The following CNTN4 variants were observed in gnomAD, a reference collection of about 807,000 sequenced individuals.
CNTN4 encodes contactin 4, also known as contactin-4.
CNTN4 carries 77 observed loss-of-function variants against 122.5 expected under a neutral mutation model. The ratio of observed to expected loss-of-function variants is 0.63; its 90% CI spans 0.52 to 0.76. CNTN4 has a LOEUF of 0.76. Ranked by LOEUF, CNTN4 falls within the 30% of genes least tolerant of loss-of-function variation. CNTN4 has a pLI of 0.00. For missense variants in CNTN4, 1,256 were observed against 1,259.1 expected (o/e 1.00, Z 0.04); for synonymous variants, 512 against 447.0 (o/e 1.15, Z -1.83).
chr3:2,167,169 T>C (rs866259370), intron 2 of CNTN4, among the ~76,000 whole-genome samples: 2 of 152,270 alleles, frequency 1.3e-5, no homozygotes, highest in Middle Eastern at 3.4e-3. Context: ...ACCAATTCCA[T>C]GCTGTTTAAA....
intron 6 of CNTN4, among the ~76,000 whole-genome samples, chr3:2,761,388 C>T (rs115701240): frequency 0.011 from 1,629 of 151,756 alleles, 25 homozygotes; most frequent in African/African-American, 0.038. Flanking sequence ...ATTTAAGTTA[C>T]ATAGTATCCT....
At chr3:2,801,008 C>T (rs2150057790) in intron 6 of CNTN4, among the ~76,000 whole-genome samples, 1 of 152,324 alleles carries the variant, frequency 6.6e-6, no homozygotes, top group Admixed American at 6.5e-5. Flanking sequence ...TGATTCTACT[C>T]TGTTTTTCCC....
intron 3 of CNTN4, among the ~76,000 whole-genome samples, chr3:2,510,375 GT>G (rs5846187): frequency 0.49 from 65,386 of 133,816 alleles, 15,158 homozygotes; most frequent in Admixed American, 0.59. Context: ...TTTGTTTGGG[GT>G]TTTTTTTTGT....
At chr3:2,650,666 A>G (rs774487291) in intron 4 of CNTN4, among the ~76,000 whole-genome samples, 1 of 152,194 alleles carries the variant, frequency 6.6e-6, no homozygotes, top group Non-Finnish European at 1.5e-5. Flanking sequence ...AGCCATCTTA[A>G]TCGAGGGAAG....
At chr3:2,965,867 A>G (rs1287143754) in intron 13 of CNTN4, among the ~76,000 whole-genome samples, 2 of 152,154 alleles carry the variant, frequency 1.3e-5, no homozygotes, top group African/African-American at 4.8e-5. Context: ...TCCCTTAAGA[A>G]TCAGTTCATC....
intron 4 of CNTN4, among the ~76,000 whole-genome samples, chr3:2,663,333 C>T (rs913118231): frequency 1.3e-5 from 2 of 152,020 alleles, no homozygotes; most frequent in African/African-American, 4.8e-5. Context: ...TCAAGAAGTA[C>T]TGTAGGTAAA....
At chr3:2,581,868 C>G (rs1366939598) in intron 4 of CNTN4, among the ~76,000 whole-genome samples, 2 of 152,122 alleles carry the variant, frequency 1.3e-5, no homozygotes, top group Non-Finnish European at 2.9e-5. Flanking sequence ...TTTGAAGATA[C>G]CGTGCTAAGT....
At chr3:2,371,973 G>A (rs2150669232) in intron 3 of CNTN4, among the ~76,000 whole-genome samples, 1 of 152,274 alleles carries the variant, frequency 6.6e-6, no homozygotes, top group Non-Finnish European at 1.5e-5. Flanking sequence ...GTTAAAACCA[G>A]CATCTGATTA....
chr3:2,856,473 C>T (rs1033025904), intron 7 of CNTN4, among the ~76,000 whole-genome samples: 10 of 152,196 alleles, frequency 6.6e-5, no homozygotes, highest in African/African-American at 2.4e-4. Context: ...AAGCACCCGG[C>T]ACACAAGGGG....
intron 4 of CNTN4, among the ~76,000 whole-genome samples, chr3:2,674,421 A>G (rs1227083288): frequency 6.6e-6 from 1 of 152,138 alleles, no homozygotes; most frequent in African/African-American, 2.4e-5. Context: ...TGTTGGGAAA[A>G]TTTTAAGTTC....
At chr3:2,986,698 A>C (rs17595976) in intron 13 of CNTN4, among the ~76,000 whole-genome samples, 22,773 of 152,256 alleles carry the variant, frequency 0.15, 1,882 homozygotes, top group Admixed American at 0.18. Flanking sequence ...GACTCTGTTA[A>C]GTATAGCACT....
intron 4 of CNTN4, among the ~76,000 whole-genome samples, chr3:2,690,638 T>A (rs1268702436): frequency 6.6e-6 from 1 of 152,082 alleles, no homozygotes; most frequent in African/African-American, 2.4e-5. Flanking sequence ...CTGCCTTACC[T>A]CCTAGAGCAG....
At chr3:2,981,016 A>G (rs1693912352) in intron 13 of CNTN4, among the ~76,000 whole-genome samples, 1 of 152,170 alleles carries the variant, frequency 6.6e-6, no homozygotes, top group Non-Finnish European at 1.5e-5. Context: ...AGTCCCAGGT[A>G]GTCTTTTCCT....
chr3:2,147,159 G>A (rs1457810179), intron 2 of CNTN4, among the ~76,000 whole-genome samples: 1 of 152,110 alleles, frequency 6.6e-6, no homozygotes, highest in Non-Finnish European at 1.5e-5. Flanking sequence ...GATTATAGGA[G>A]TGAGCCACTG....
chr3:2,957,876 T>C (rs2094816137), intron 13 of CNTN4, among the ~76,000 whole-genome samples: 1 of 152,198 alleles, frequency 6.6e-6, no homozygotes, highest in African/African-American at 2.4e-5. Flanking sequence ...TCTTTGCTAT[T>C]GTAAATAGTG....
At chr3:2,174,599 C>T (rs1285925255) in intron 2 of CNTN4, among the ~76,000 whole-genome samples, 1 of 152,192 alleles carries the variant, frequency 6.6e-6, no homozygotes, top group Non-Finnish European at 1.5e-5. Flanking sequence ...TACCAAAGGC[C>T]TTACCTCCTA....
intron 6 of CNTN4, among the ~76,000 whole-genome samples, chr3:2,746,524 G>C (rs2089778389): frequency 6.6e-6 from 1 of 152,232 alleles, no homozygotes; most frequent in African/African-American, 2.4e-5. Flanking sequence ...ACATTTTTAA[G>C]GGTTTATGTA....
At chr3:2,704,107 G>A (rs776869403) in intron 4 of CNTN4, among the ~76,000 whole-genome samples, 6 of 151,492 alleles carry the variant, frequency 4.0e-5, no homozygotes, top group Non-Finnish European at 5.9e-5. Context: ...GATCAGCCTG[G>A]GCAGCATGGT....
chr3:2,891,434 A>G (rs923547539), intron 10 of CNTN4, among the ~76,000 whole-genome samples: 13 of 152,216 alleles, frequency 8.5e-5, no homozygotes, highest in African/African-American at 2.9e-4. Context: ...GCAACAGAGC[A>G]AGACTCCATC....
Sources: gnomAD v4.1 joint callset for allele counts (sites outside exome capture counted in the v4.1 genomes callset) on GRCh38, gnomAD v4.1.1 for gene constraint, MANE v1.5 for transcripts, NCBI Gene and HGNC (gene_info 2026-07-23, HGNC 2026-07-21) for gene names.